Variants in ALG1 observed in about 807,000 individuals in gnomAD.
ALG1 encodes the protein ALG1 chitobiosyldiphosphodolichol beta-mannosyltransferase, also known as chitobiosyldiphosphodolichol beta-mannosyltransferase.
ALG1 carries 58 observed loss-of-function variants against 55.1 expected under a neutral mutation model. The ratio of observed to expected loss-of-function variants is 1.05; its 90% CI spans 0.85 to 1.31. The LOEUF is 1.31. Among genes scored for constraint, ALG1 ranks in the 50% most tolerant of loss-of-function variants. ALG1 has a pLI of 0.00. For synonymous variants in ALG1, 309 were observed against 247.0 expected (o/e 1.25, Z -2.35); for missense variants, 761 against 598.6 (o/e 1.27, Z -2.83).
intron 12 of ALG1, among the ~76,000 whole-genome samples, chr16:5,083,967 C>G (rs1348581844): frequency 6.6e-6 from 1 of 152,170 alleles, no homozygotes; most frequent in Non-Finnish European, 1.5e-5. Flanking sequence ...ACACCCCCAC[C>G]TGCCCTCTGG....
intron 4 of ALG1, among the ~76,000 whole-genome samples, chr16:5,076,719 G>A (rs1276086022): frequency 6.6e-6 from 1 of 151,910 alleles, no homozygotes; most frequent in Non-Finnish European, 1.5e-5. Flanking sequence ...AGAGCAAGCC[G>A]TGACCTTACA....
rs766706677 is a variant in ALG1, at chr16:5,077,559, G to A, written c.629+25G>A. 1.9e-6 allele frequency: 3 copies of A among 1,612,328 alleles called. No homozygotes were observed. The East Asian group carries it at 6.7e-5, about 36-fold the overall frequency. The stretch of plus-strand genomic sequence containing the variant: ...GGTACCATGGCCTGGGATGACGGCG[G>A]CCTGGGAGAGGCGCGGGGCCCCTGA... On this transcript the variant is annotated intron_variant, in intron 5 of 12. Coordinates refer to ENST00000262374, the MANE Select transcript of ALG1 (RefSeq NM_019109.5).
intron 4 of ALG1, among the ~76,000 whole-genome samples, chr16:5,076,778 C>T (rs1956922352): frequency 6.8e-6 from 1 of 146,368 alleles, no homozygotes; most frequent in Non-Finnish European, 1.5e-5. Flanking sequence ...GTGAGGCCTT[C>T]ATTGTATTTC....
chr16:5,075,148 C>T (rs1284577097), intron 3 of ALG1, among the ~76,000 whole-genome samples: 1 of 152,194 alleles, frequency 6.6e-6, no homozygotes, highest in Non-Finnish European at 1.5e-5. Flanking sequence ...AAATGATCCT[C>T]CTGCCTTGGC....
chr16:5,072,151 T>C (rs1956828056), intron 1 of ALG1, 94 bp downstream of exon 1: 3 of 1,545,260 alleles, frequency 1.9e-6, no homozygotes, highest in African/African-American at 1.4e-5. Flanking sequence ...AGTGCTCCTT[T>C]AGTCGCCGCC....
intron 2 of ALG1, 37 bp from the exon 3 acceptor site, chr16:5,073,116 G>T (rs760921776): frequency 2.5e-6 from 4 of 1,612,210 alleles, no homozygotes; most frequent in Admixed American, 1.7e-5. Flanking sequence ...ATTGCCAGAC[G>T]CTCCTTTGGT....
intron 11 of ALG1, among the ~76,000 whole-genome samples, chr16:5,082,904 T>C (rs1450812966): frequency 6.6e-6 from 1 of 152,234 alleles, no homozygotes; most frequent in Non-Finnish European, 1.5e-5. Context: ...AAAGTAATCA[T>C]GGTTTTTGCC....
chr16:5,075,662 G>T, intron 4 of ALG1, 126 bp downstream of exon 4: 1 of 1,187,304 alleles, frequency 8.4e-7, no homozygotes, highest in Non-Finnish European at 1.2e-6. Flanking sequence ...GGGTGAGGCT[G>T]GTGAATCAGG....
Position 5,072,982 on chromosome 16 carries a change from C to T in ALG1, c.240C>T (p.Asn80=). Reference sequence around the variant, plus strand: ...AACCCCATGATGAGCTCTTGCAGAACAACAGAATTCAGATTGTGGGGTTGA... The same window carrying T: ...AACCCCATGATGAGCTCTTGCAGAATAACAGAATTCAGATTGTGGGGTTGA... ...NSKPHDELLQ[N]NRIQIVGLTE... The change falls in exon 2 of 13, where the codon AAC becomes AAT. Residue 80 remains asparagine, a synonymous_variant. Transcript: ENST00000262374. The T allele has an allele frequency of 1.2e-6, 2 of 1,614,172 alleles. No individual in the cohort carries two copies. The highest frequency in any genetic ancestry group is 8.5e-7 in the Non-Finnish European group (1 of 1,180,018).
At chr16:5,078,605 G>T (rs1051667758) in intron 6 of ALG1, 152 bp from the exon 7 acceptor site, 21 of 1,343,312 alleles carry the variant, frequency 1.6e-5, no homozygotes, top group Admixed American at 7.1e-5. Context: ...AGCAAGCCCA[G>T]GCCTCAGATG....
At chr16:5,072,104 A>C in intron 1 of ALG1, 47 bp downstream of exon 1, 1 of 1,550,812 alleles carries the variant, frequency 6.4e-7, no homozygotes, top group South Asian at 1.2e-5. Context: ...TCAGCCGTTG[A>C]TCCTCGGTTC....
In ALG1 at chr16:5,081,050, C is replaced by G. The variant is rs569498428; in HGVS notation, c.1066C>G (p.Leu356Val). ...PWLEAEDYPL[L>V]LGSADLGVCL... ...GCTGGAGGCCGAGGACTACCCCCTGCTTCTAGGTGAGAGGCCAGCAGGAGG... is the reference window on the plus strand; with the variant it reads ...GCTGGAGGCCGAGGACTACCCCCTGGTTCTAGGTGAGAGGCCAGCAGGAGG... The change falls in exon 10 of 13, where the codon CTT (leucine) becomes GTT (valine). Residue 356 changes from leucine to valine, a missense_variant. Leu to Val is a conservative substitution (Grantham distance 32). Transcript: ENST00000262374. The G allele has an allele frequency of 1.6e-5, 25 of 1,547,492 alleles. No individual in the cohort carries two copies. In the African/African-American group the frequency reaches 2.7e-4, roughly 17 times the overall value.
chr16:5,072,072 G>GTCTT lies in ALG1; in HGVS notation c.208+18_208+19insTTCT, dbSNP rs1555451030. On this transcript the variant is annotated intron_variant, in intron 1 of 12. Transcript: ENST00000262374. ...GGGGTTCTGCAGTGAGTGGCCAAGG[G>GTCTT]TCTGGGAGGGACGATGCTCTCTCAG... 1 of 1,438,436 alleles carries GTCTT rather than the reference G, an allele frequency of 7.0e-7. No homozygotes were observed. Among genetic ancestry groups the GTCTT allele is most frequent in the Non-Finnish European group, 9.1e-7 (1 of 1,096,860 alleles). 89.1% of individuals were successfully genotyped at this position (1,438,436 alleles called of 1,614,324 possible).
chr16:5,085,051 G>T lies in ALG1; in HGVS notation c.*170G>T. 3 of 1,276,320 alleles carry T rather than the reference G, an allele frequency of 2.4e-6. No homozygotes were observed. The highest frequency in any genetic ancestry group is 3.3e-6 in the Non-Finnish European group (3 of 921,428). The allele number at this position is 1,276,320 out of a possible 1,614,324, so 79.1% of individuals were successfully genotyped here. A position where few individuals can be genotyped will look rare whatever the true frequency, so the allele number is the denominator to read the frequency against. On this transcript the variant is annotated 3_prime_UTR_variant, in exon 13 of 13. Coordinates refer to ENST00000262374, the MANE Select transcript of ALG1 (RefSeq NM_019109.5). The stretch of plus-strand genomic sequence containing the variant: ...TTGGTTCTGTGACCCGGGAAGCTTT[G>T]GTTGGCCTTGATTTCTTCTCTGGAG...
At chr16:5,072,923 C>A (rs780504012) in intron 1 of ALG1, 28 bp from the exon 2 acceptor site, 1 of 1,596,250 alleles carries the variant, frequency 6.3e-7, no homozygotes. Flanking sequence ...GCTTCTGGTA[C>A]ATTAAAGGGA....
intron 4 of ALG1, among the ~76,000 whole-genome samples, chr16:5,076,792 CTTTTTTT>C (rs5815229): frequency 1.8e-5 from 2 of 108,854 alleles, no homozygotes; most frequent in Admixed American, 1.1e-4. Context: ...GTATTTCTTC[CTTTTTTT>C]TTTTTTTTTT....
rs534863399 is a variant in ALG1 at position 5,073,153 on chromosome 16, T to A, written c.287T>A (p.Val96Asp). 3 of 1,614,188 alleles carry A rather than the reference T, an allele frequency of 1.9e-6. No homozygotes were observed. The Admixed American group carries it at 5.0e-5, about 27-fold the overall frequency. Residue 96 changes from valine to aspartate, a missense_variant and splice_region_variant, in exon 3 of 13, where the codon GTT becomes GAT. Transcript: ENST00000262374. ...VGLTELQSLA[V>D]GPRVFQYGVK... Reference sequence around the variant, plus strand: ...GTCACAGGTGTTTTCTGACTTGCAGTTGGGCCCCGAGTTTTCCAGTACGGA... The same window carrying A: ...GTCACAGGTGTTTTCTGACTTGCAGATGGGCCCCGAGTTTTCCAGTACGGA...
intron 4 of ALG1, among the ~76,000 whole-genome samples, chr16:5,076,620 C>T (rs527678521): frequency 5.3e-5 from 8 of 152,098 alleles, no homozygotes; most frequent in Admixed American, 6.5e-5. Context: ...TCGCGCATGC[C>T]GTGTTCCGGC....
chr16:5,079,646 G>A lies in ALG1; in HGVS notation c.902-102G>A, dbSNP rs189574952. On this transcript the variant is annotated intron_variant, in intron 8 of 12. Transcript: ENST00000262374. ...AGAGGTTGCAGTGAGCTGAGATCGC[G>A]CCATTGCATTCCAGCCTGGGTGACA... 5 of 1,338,780 alleles carry A rather than the reference G, an allele frequency of 3.7e-6. No homozygotes were observed. The African/African-American group carries it at 4.3e-5, about 12-fold the overall frequency. 82.9% of individuals were successfully genotyped at this position (1,338,780 alleles called of 1,614,324 possible).
Sources: allele counts gnomAD v4.1 joint callset (sites outside exome capture counted in the v4.1 genomes callset), GRCh38; gene constraint gnomAD v4.1.1; transcripts MANE v1.5; gene names NCBI Gene and HGNC (gene_info 2026-07-23, HGNC 2026-07-21).